The following CSMD1 variants were observed in gnomAD, a reference collection of about 807,000 sequenced individuals.
The protein encoded by CSMD1 is CUB and sushi domain-containing protein 1.
A neutral mutation model predicts 417.5 loss-of-function variants in CSMD1; 213 were observed. The observed-to-expected ratio is 0.51, with a 90% confidence interval of 0.46 to 0.57. CSMD1 has a LOEUF of 0.57. CSMD1 is among the 20% of genes least tolerant of loss of function. The probability of loss-of-function intolerance (pLI) is 0.00; values close to 1 mark genes in which losing one functional copy is unlikely to be tolerated. For synonymous variants in CSMD1, 2,862 were observed against 1,736.8 expected, an observed-to-expected ratio of 1.65 and a Z score of -16.11; for missense variants, 6,923 against 4,529.7, an observed-to-expected ratio of 1.53 and a Z score of -15.17.
At chr8:3,334,733 A>T (rs1481495460) in intron 23 of CSMD1, among the ~76,000 whole-genome samples, 1 of 152,202 alleles carries the variant, frequency 6.6e-6, no homozygotes, top group African/African-American at 2.4e-5. Context: ...TACAGAATGG[A>T]TGCCATTCTT....
chr8:4,490,433 G>C lies in CSMD1; in HGVS notation c.303-70368C>G, dbSNP rs138118101. Among the ~76,000 whole-genome samples the C allele has an allele frequency of 3.3e-5, 5 of 152,074 alleles. No individual in the cohort carries two copies. The South Asian group carries it at 1.0e-3, about 32-fold the overall frequency. Reference sequence around the variant, plus strand: ...TTTCACATCTGTCCTATCTACTATTGGTTTTAACTTTTAGTTTTTTAATGA... The same window carrying C: ...TTTCACATCTGTCCTATCTACTATTCGTTTTAACTTTTAGTTTTTTAATGA... On this transcript the variant is annotated intron_variant, in intron 2 of 69. Coordinates refer to ENST00000635120, the MANE Select transcript of CSMD1 (RefSeq NM_033225.6).
chr8:4,406,934 C>A (rs1458528349), intron 3 of CSMD1, among the ~76,000 whole-genome samples: 3 of 152,128 alleles, frequency 2.0e-5, no homozygotes, highest in African/African-American at 7.2e-5. Context: ...CAAGACCAAG[C>A]TGACTTAAAA....
chr8:4,635,262 T>C (rs1056919711), intron 2 of CSMD1, among the ~76,000 whole-genome samples: 1 of 152,164 alleles, frequency 6.6e-6, no homozygotes, highest in Non-Finnish European at 1.5e-5. Flanking sequence ...GGCACAGGTA[T>C]CAATTTATTT....
chr8:3,671,560 CATATATATATATATATA>C (rs1799059572), intron 7 of CSMD1, among the ~76,000 whole-genome samples: 3 of 6,536 alleles, frequency 4.6e-4, no homozygotes, highest in Admixed American at 1.9e-3. Context: ...TATATATGAT[CATATATATATATATATA>C]TATATATATA....
chr8:4,565,535 G>A (rs979576208), intron 2 of CSMD1, among the ~76,000 whole-genome samples: 3 of 152,012 alleles, frequency 2.0e-5, no homozygotes, highest in Admixed American at 2.0e-4. Flanking sequence ...AGGTGTTTGA[G>A]ACAAGCCTGG....
rs1025037554 is a variant in CSMD1 at position 3,636,440 on chromosome 8, A to C, written c.1010-19643T>G. Among the ~76,000 whole-genome samples the C allele has an allele frequency of 5.9e-5, 9 of 152,304 alleles. No homozygotes were observed. The South Asian group carries it at 1.9e-3, about 32-fold the overall frequency. ...TGATCCGCCCGCCTCAGCCTCCCAC[A>C]GTGGTAGGATTACAGGTGTGAGCCA... is the stretch of plus-strand genomic sequence containing the variant. On this transcript the variant is annotated intron_variant, in intron 7 of 69. Coordinates refer to ENST00000635120, the MANE Select transcript of CSMD1 (RefSeq NM_033225.6).
intron 5 of CSMD1, among the ~76,000 whole-genome samples, chr8:3,879,845 G>A (rs75413186): frequency 6.6e-6 from 1 of 151,938 alleles, no homozygotes; most frequent in Non-Finnish European, 1.5e-5. Flanking sequence ...GCGTGTGTGT[G>A]TGTGTGTGTT....
chr8:4,062,297 T>A (rs1329423847), intron 3 of CSMD1, among the ~76,000 whole-genome samples: 1 of 152,096 alleles, frequency 6.6e-6, no homozygotes, highest in Non-Finnish European at 1.5e-5. Flanking sequence ...GAATAGAGCA[T>A]GTCAACTGGG....
intron 2 of CSMD1, among the ~76,000 whole-genome samples, chr8:4,461,994 G>C: frequency 6.6e-6 from 1 of 151,892 alleles, no homozygotes. Flanking sequence ...GCCCACCTCG[G>C]CCTCCCAAAT....
intron 5 of CSMD1, among the ~76,000 whole-genome samples, chr8:3,872,258 T>C (rs1336690677): frequency 6.6e-6 from 1 of 152,206 alleles, no homozygotes; most frequent in Non-Finnish European, 1.5e-5. Flanking sequence ...AAAAGGGTTC[T>C]TCTGTGAACT....
chr8:3,481,760 G>A (rs73174880), intron 11 of CSMD1, among the ~76,000 whole-genome samples: 32,479 of 152,086 alleles, frequency 0.21, 4,337 homozygotes, highest in Non-Finnish European at 0.28. Context: ...GCCAAGGAAC[G>A]CCAGCAGCTG....
intron 2 of CSMD1, among the ~76,000 whole-genome samples, chr8:4,579,860 T>G (rs1415235902): frequency 1.3e-5 from 2 of 152,216 alleles, no homozygotes; most frequent in African/African-American, 4.8e-5. Flanking sequence ...ATTTCCCAAG[T>G]GTAAAACTTT....
At chr8:3,112,206 T>A (rs1585380175) in intron 42 of CSMD1, among the ~76,000 whole-genome samples, 1 of 152,206 alleles carries the variant, frequency 6.6e-6, no homozygotes, top group African/African-American at 2.4e-5. Context: ...AATTGGTGAA[T>A]TAGAGAATAA....
chr8:4,319,188 G>T (rs753858451), intron 3 of CSMD1, among the ~76,000 whole-genome samples: 2 of 152,164 alleles, frequency 1.3e-5, no homozygotes, highest in Admixed American at 6.5e-5. Context: ...ATTTCCCCCA[G>T]TAATTCCAAT....
chr8:4,630,939 C>G (rs919313010), intron 2 of CSMD1, among the ~76,000 whole-genome samples: 2 of 152,158 alleles, frequency 1.3e-5, no homozygotes, highest in African/African-American at 4.8e-5. Flanking sequence ...ACGGCTGCCC[C>G]AGTGCCATCA....
At chr8:4,851,002 GGTTA>G (rs1451876244) in intron 1 of CSMD1, among the ~76,000 whole-genome samples, 1 of 151,358 alleles carries the variant, frequency 6.6e-6, no homozygotes, top group Non-Finnish European at 1.5e-5. Flanking sequence ...ACAAAGTGCA[GGTTA>G]GTTACATATG....
At chr8:4,689,225 T>C (rs571360707) in intron 1 of CSMD1, among the ~76,000 whole-genome samples, 1 of 152,304 alleles carries the variant, frequency 6.6e-6, no homozygotes, top group African/African-American at 2.4e-5. Flanking sequence ...TGAGGTGATT[T>C]TGCATGTATT....
intron 3 of CSMD1, among the ~76,000 whole-genome samples, chr8:4,199,353 A>G (rs932930510): frequency 1.3e-5 from 2 of 152,216 alleles, no homozygotes; most frequent in African/African-American, 4.8e-5. Flanking sequence ...CCTCTAAAGC[A>G]CATAGATGCT....
Position 3,230,152 on chromosome 8 carries a change from G to C in CSMD1, c.4233C>G (p.Asp1411Glu). 1.2e-6 allele frequency: 2 copies of C among 1,613,674 alleles called. No homozygotes were observed. The change falls in exon 27 of 70, where the codon GAC becomes GAG. Residue 1411 changes from aspartate to glutamate, a missense_variant. Coordinates refer to ENST00000635120, the MANE Select transcript of CSMD1 (RefSeq NM_033225.6). ...CAGGGTCACACTGGAATGTGACGGT[G>C]TCTCCAGCCTCTCTGCTGTCTCCAT... is the stretch of plus-strand genomic sequence containing the variant. ...TRYGDSREAGDTVTFQCDPGY... is the reference protein window; with the variant it reads ...TRYGDSREAGETVTFQCDPGY...
Sources: allele counts gnomAD v4.1 joint callset (sites outside exome capture counted in the v4.1 genomes callset), GRCh38; gene constraint gnomAD v4.1.1; transcripts MANE v1.5; gene names NCBI Gene and HGNC (gene_info 2026-07-23, HGNC 2026-07-21).